Variants in ANKS6 observed in about 807,000 individuals in gnomAD.
ANKS6 encodes the protein ankyrin repeat and sterile alpha motif domain containing 6.
Under a neutral mutation model 77.9 loss-of-function variants are expected in ANKS6, and 47 were observed. The observed-to-expected ratio is 0.60, with a 90% CI of 0.48 to 0.77. The LOEUF (loss-of-function observed/expected upper bound fraction) is 0.77, where lower values mean the gene tolerates loss of function less well. ANKS6 is among the 30% of genes least tolerant of loss of function. The pLI, the probability that ANKS6 is intolerant of heterozygous loss-of-function variation, is 0.00. For synonymous variants in ANKS6, 488 were observed against 501.7 expected (o/e 0.97, Z 0.37); for missense variants, 1,150 against 1,159.1 (o/e 0.99, Z 0.11).
intron 11 of ANKS6, among the ~76,000 whole-genome samples, chr9:98,759,007 T>A (rs1832868642): frequency 6.6e-6 from 1 of 152,216 alleles, no homozygotes; most frequent in Admixed American, 6.5e-5. Context: ...TACACTTAGA[T>A]CTTCTGTCAT....
At position 98,794,302 on chromosome 9, in the gene ANKS6, C is replaced by T. The variant is rs137923319; in HGVS notation, c.359+1831G>A. Among the ~76,000 whole-genome samples, 1,380 of 152,266 alleles carry T rather than the reference C, an allele frequency of 9.1e-3. 11 individuals carry two copies. The highest frequency in any genetic ancestry group is 0.014 in the Non-Finnish European group (959 of 68,018). On this transcript the variant is annotated intron_variant, in intron 1 of 14. Coordinates refer to ENST00000353234, the MANE Select transcript of ANKS6 (RefSeq NM_173551.5). Reference sequence around the variant, plus strand: ...TAAATAGATGCTTGCTCAGACCCAGCGTGGTGGCTGCCAGGGGTGTGGTTT... The same window carrying T: ...TAAATAGATGCTTGCTCAGACCCAGTGTGGTGGCTGCCAGGGGTGTGGTTT...
intron 13 of ANKS6, among the ~76,000 whole-genome samples, chr9:98,748,085 C>G (rs546893917): frequency 9.2e-5 from 14 of 152,368 alleles, no homozygotes; most frequent in Admixed American, 9.1e-4. Context: ...TCTCTGGGCT[C>G]CAGAGTATTC....
chr9:98,740,565 T>C (rs1831770582), intron 14 of ANKS6, among the ~76,000 whole-genome samples: 1 of 152,160 alleles, frequency 6.6e-6, no homozygotes, highest in Non-Finnish European at 1.5e-5. Flanking sequence ...AATGGAAGGG[T>C]TGACAGCAAT....
chr9:98,786,293 GTTT>G (rs376048676), intron 2 of ANKS6, among the ~76,000 whole-genome samples: 2,897 of 129,676 alleles, frequency 0.022, 93 homozygotes, highest in African/African-American at 0.077. Flanking sequence ...CTCCAGAATT[GTTT>G]TTTTTTTTTT....
chr9:98,796,311 C>T lies in ANKS6; in HGVS notation c.181G>A (p.Ala61Thr). 8.0e-7 allele frequency: 1 copy of T among 1,250,062 alleles called. No homozygotes were observed. Among genetic ancestry groups the T allele is most frequent in the Non-Finnish European group, 1.0e-6 (1 of 997,276 alleles). The allele number at this position is 1,250,062 out of a possible 1,614,324, so 77.4% of individuals were successfully genotyped here. Residue 61 changes from alanine to threonine, a missense_variant, in exon 1 of 15, where the codon GCG (alanine) becomes ACG (threonine). Ala to Thr is a moderately conservative substitution (Grantham distance 58). Coordinates refer to ENST00000353234, the MANE Select transcript of ANKS6 (RefSeq NM_173551.5). ...ACCGGAGCCCCGACTGCCCCCGCCGCTGCGGCCCCGGGCCCGGCCACCTCG... is the reference window on the plus strand; with the variant it reads ...ACCGGAGCCCCGACTGCCCCCGCCGTTGCGGCCCCGGGCCCGGCCACCTCG... ...GAEVAGPGAA[A>T]AGAVGAPVPV...
chr9:98,796,068 G>T, intron 1 of ANKS6, 65 bp downstream of exon 1: 1 of 1,260,696 alleles, frequency 7.9e-7, no homozygotes. Flanking sequence ...GGCCGCCGGG[G>T]ACCGCGTCTC....
chr9:98,787,373 T>G (rs901893151), intron 2 of ANKS6, among the ~76,000 whole-genome samples: 1 of 73,544 alleles, frequency 1.4e-5, no homozygotes, highest in South Asian at 5.9e-4. Flanking sequence ...TACACTGCCC[T>G]TTTTTTTTTT....
intron 11 of ANKS6, among the ~76,000 whole-genome samples, chr9:98,761,872 A>G (rs1260044020): frequency 2.0e-5 from 3 of 152,142 alleles, no homozygotes; most frequent in Non-Finnish European, 2.9e-5. Flanking sequence ...TCTTTTTCAT[A>G]TGACTATTAT....
rs1377224141 is a variant in ANKS6, at chr9:98,745,656, A to C, written c.2414T>G (p.Leu805Arg). 6.2e-7 allele frequency: 1 copy of C among 1,614,122 alleles called. No homozygotes were observed. Among genetic ancestry groups the C allele is most frequent in the South Asian group, 1.1e-5 (1 of 91,080 alleles). Residue 805 changes from leucine (L) to arginine (R), a missense_variant, in exon 14 of 15, where the codon CTC becomes CGC. Leu to Arg is a moderately radical substitution (Grantham distance 102). Transcript: ENST00000353234. ...CTTCAAGTCACCGTCAGTCAGTGTG[A>C]GGAACGCTTCCATGTCCACCTGGGG... ...EEQEVDMEAF[L>R]TLTDGDLKEL...
intron 8 of ANKS6, 35 bp from the exon 9 acceptor site, chr9:98,774,115 C>T: frequency 2.1e-6 from 3 of 1,409,056 alleles, no homozygotes; most frequent in Non-Finnish European, 2.8e-6. Context: ...GACAAGCCCC[C>T]AGGAGGGCTC....
chr9:98,780,556 T>G (rs1834187717), intron 5 of ANKS6, among the ~76,000 whole-genome samples: 1 of 152,164 alleles, frequency 6.6e-6, no homozygotes, highest in South Asian at 2.1e-4. Context: ...AAACCGGAAG[T>G]CCTCTCTCAT....
chr9:98,775,192 G>A (rs1833862118), intron 8 of ANKS6, among the ~76,000 whole-genome samples: 2 of 152,234 alleles, frequency 1.3e-5, no homozygotes, highest in Non-Finnish European at 2.9e-5. Context: ...TCCCTCCCTG[G>A]GGTAACAGTC....
At position 98,784,772 on chromosome 9, in the gene ANKS6, G is replaced by T; in HGVS notation, c.907+60C>A. 4.8e-6 allele frequency: 7 copies of T among 1,469,352 alleles called. No homozygotes were observed. In the Admixed American group the frequency reaches 1.1e-4, roughly 23 times the overall value. 91.0% of individuals were successfully genotyped at this position (1,469,352 alleles called of 1,614,324 possible). A position where few individuals can be genotyped will look rare whatever the true frequency, so the allele number is the denominator to read the frequency against. On this transcript the variant is annotated intron_variant, in intron 3 of 14. Transcript: ENST00000353234. ...GCCCTGCAAAGGACTACAAATATTA[G>T]GTTGGGAGAATGTAGCCCTATATTC...
chr9:98,753,588 C>A (rs1832542084), intron 12 of ANKS6, among the ~76,000 whole-genome samples: 1 of 151,222 alleles, frequency 6.6e-6, no homozygotes, highest in Admixed American at 6.6e-5. Flanking sequence ...ACCACTGTAC[C>A]CCAGCCTGGG....
At chr9:98,765,232 T>C (rs935979644) in intron 11 of ANKS6, among the ~76,000 whole-genome samples, 4 of 152,172 alleles carry the variant, frequency 2.6e-5, no homozygotes, top group Non-Finnish European at 5.9e-5. Context: ...CAAAGAAACA[T>C]GATACTCTGG....
chr9:98,755,038 G>C (rs1832620528), intron 12 of ANKS6, among the ~76,000 whole-genome samples: 1 of 152,140 alleles, frequency 6.6e-6, no homozygotes. Flanking sequence ...AAATATGGTT[G>C]GGGAGGAATG....
At chr9:98,737,491 T>TAA (rs558101182) in intron 14 of ANKS6, among the ~76,000 whole-genome samples, 1 of 148,276 alleles carries the variant, frequency 6.7e-6, no homozygotes, top group African/African-American at 2.5e-5. Context: ...TGCAAAAAAA[T>TAA]AAAAAAAAAA....
chr9:98,745,287 C>T (rs1426358638), intron 14 of ANKS6, among the ~76,000 whole-genome samples: 1 of 152,202 alleles, frequency 6.6e-6, no homozygotes, highest in Non-Finnish European at 1.5e-5. Flanking sequence ...GATCCCAGGG[C>T]CTGTTTGAGC....
chr9:98,763,421 G>A (rs1459755830), intron 11 of ANKS6, among the ~76,000 whole-genome samples: 1 of 151,892 alleles, frequency 6.6e-6, no homozygotes, highest in Non-Finnish European at 1.5e-5. Flanking sequence ...TCAAGAGAAG[G>A]GGAAAATATT....
Sources: allele counts gnomAD v4.1 joint callset (sites outside exome capture counted in the v4.1 genomes callset), GRCh38; gene constraint gnomAD v4.1.1; transcripts MANE v1.5; gene names NCBI Gene and HGNC (gene_info 2026-07-23, HGNC 2026-07-21).